Variants in ULK4 observed in about 807,000 individuals in gnomAD.
ULK4 encodes inactive serine/threonine-protein kinase ULK4.
ULK4 carries 133 observed loss-of-function variants against 160.6 expected under a neutral mutation model. The ratio of observed to expected loss-of-function variants is 0.83; its 90% CI spans 0.72 to 0.96. The LOEUF (loss-of-function observed/expected upper bound fraction) is 0.96, where lower values mean the gene tolerates loss of function less well. Among genes scored for constraint, ULK4 ranks in the 40% least tolerant of loss-of-function variants. The pLI is 0.00. For synonymous variants in ULK4, 534 were observed against 539.8 expected, an observed-to-expected ratio of 0.99 and a Z score of 0.15; for missense variants, 1,580 against 1,499.5, an observed-to-expected ratio of 1.05 and a Z score of -0.89.
chr3:41,938,329 A>G (rs1699845201), intron 2 of ULK4, 132 bp from the exon 3 acceptor site: 2 of 650,526 alleles, frequency 3.1e-6, no homozygotes, highest in Non-Finnish European at 5.0e-6. Context: ...TTCTATACAG[A>G]CATTAGAAAT....
intron 2 of ULK4, 120 bp downstream of exon 2, chr3:41,954,502 T>C (rs913453715): frequency 1.7e-6 from 2 of 1,154,892 alleles, no homozygotes; most frequent in Non-Finnish European, 2.5e-6. Flanking sequence ...AGGTCATCCA[T>C]TCCAGACTGA....
At chr3:41,634,620 G>A (rs1484654318) in intron 30 of ULK4, among the ~76,000 whole-genome samples, 1 of 152,180 alleles carries the variant, frequency 6.6e-6, no homozygotes, top group Non-Finnish European at 1.5e-5. Context: ...CAAGAAAGCG[G>A]GAGCCCATTC....
intron 1 of ULK4, among the ~76,000 whole-genome samples, chr3:41,959,575 C>A (rs922400862): frequency 5.3e-5 from 8 of 152,198 alleles, no homozygotes; most frequent in African/African-American, 1.9e-4. Flanking sequence ...TGGTTAGTAT[C>A]TTTCTTTTAA....
chr3:41,897,039 T>C (rs1698184325), intron 14 of ULK4, 36 bp from the exon 15 acceptor site: 2 of 1,540,292 alleles, frequency 1.3e-6, no homozygotes, highest in African/African-American at 1.4e-5. Flanking sequence ...GTACATATGA[T>C]GAGAAAAAGA....
chr3:41,251,137 T>A (rs953674358), intron 35 of ULK4: 22 of 152,128 alleles, frequency 1.4e-4, no homozygotes, highest in African/African-American at 5.3e-4. Context: ...GGTTAGAAGG[T>A]GCAAATAGAA....
At chr3:41,386,533 A>T (rs1030259593) in intron 35 of ULK4, among the ~76,000 whole-genome samples, 3 of 152,142 alleles carry the variant, frequency 2.0e-5, no homozygotes, top group Admixed American at 1.3e-4. Flanking sequence ...CAGAGGGAGA[A>T]TTGGAGCCAC....
At chr3:41,737,690 G>C (rs890959523) in intron 22 of ULK4, among the ~76,000 whole-genome samples, 1 of 151,824 alleles carries the variant, frequency 6.6e-6, no homozygotes, top group Non-Finnish European at 1.5e-5. Context: ...TTTAAATATG[G>C]AATGAATTTT....
intron 31 of ULK4, among the ~76,000 whole-genome samples, chr3:41,597,494 G>C (rs981678938): frequency 2.0e-5 from 3 of 152,176 alleles, no homozygotes; most frequent in Non-Finnish European, 2.9e-5. Flanking sequence ...CCCAGGTTGG[G>C]TCTTTTAGGC....
At chr3:41,572,765 CAA>C (rs34025379) in intron 31 of ULK4, among the ~76,000 whole-genome samples, 3,169 of 81,306 alleles carry the variant, frequency 0.039, 103 homozygotes, top group African/African-American at 0.099. Context: ...GATTCCATCT[CAA>C]AAAAAAAAAA....
chr3:41,689,332 A>G (rs954092031), intron 27 of ULK4, among the ~76,000 whole-genome samples: 6 of 152,232 alleles, frequency 3.9e-5, no homozygotes, highest in Non-Finnish European at 8.8e-5. Flanking sequence ...AGACTCACAA[A>G]TTCTTGGTAT....
At chr3:41,589,039 C>G (rs1296455095) in intron 31 of ULK4, among the ~76,000 whole-genome samples, 3 of 152,094 alleles carry the variant, frequency 2.0e-5, no homozygotes, top group African/African-American at 7.2e-5. Flanking sequence ...TATTCTTGGA[C>G]TTCACCTTCC....
At chr3:41,249,411 G>A (rs1241429923) in intron 36 of ULK4, 78 bp downstream of exon 36, 2 of 1,320,364 alleles carry the variant, frequency 1.5e-6, no homozygotes, top group Non-Finnish European at 2.1e-6. Context: ...GGAGATGAGT[G>A]GGAGGAGTGG....
intron 25 of ULK4, among the ~76,000 whole-genome samples, chr3:41,708,218 TGAA>T (rs2036973005): frequency 6.6e-6 from 1 of 152,016 alleles, no homozygotes; most frequent in Non-Finnish European, 1.5e-5. Context: ...ATCAGTATGT[TGAA>T]GAAATATCTG....
intron 35 of ULK4, among the ~76,000 whole-genome samples, chr3:41,309,581 T>A (rs2125718685): frequency 6.6e-6 from 1 of 152,240 alleles, no homozygotes; most frequent in South Asian, 2.1e-4. Context: ...CTTTTTGACA[T>A]TTACAACAGA....
At chr3:41,422,307 A>G (rs1255530642) in intron 34 of ULK4, among the ~76,000 whole-genome samples, 2 of 152,108 alleles carry the variant, frequency 1.3e-5, no homozygotes, top group African/African-American at 2.4e-5. Flanking sequence ...ACATCTTTGA[A>G]TTGCTACAGG....
At chr3:41,413,956 G>A (rs908592248) in intron 34 of ULK4, among the ~76,000 whole-genome samples, 2 of 152,224 alleles carry the variant, frequency 1.3e-5, no homozygotes, top group Non-Finnish European at 2.9e-5. Flanking sequence ...TGTAATCCCA[G>A]CACTTTGGGA....
chr3:41,678,872 T>C (rs1340890117), intron 29 of ULK4, among the ~76,000 whole-genome samples: 3 of 152,194 alleles, frequency 2.0e-5, no homozygotes, highest in African/African-American at 4.8e-5. Context: ...CCATGGACTC[T>C]AGAAACTTAA....
intron 35 of ULK4, among the ~76,000 whole-genome samples, chr3:41,358,173 C>A (rs545061770): frequency 6.6e-6 from 1 of 152,276 alleles, no homozygotes; most frequent in East Asian, 1.9e-4. Flanking sequence ...GAGTGGGCTC[C>A]GCAGAACAGA....
intron 32 of ULK4, among the ~76,000 whole-genome samples, chr3:41,463,969 G>A (rs1473425686): frequency 6.8e-6 from 1 of 146,786 alleles, no homozygotes; most frequent in Non-Finnish European, 1.5e-5. Context: ...TGATGAATGA[G>A]AACTTTGGAA....
Sources: allele counts gnomAD v4.1 joint callset (sites outside exome capture counted in the v4.1 genomes callset), GRCh38; gene constraint gnomAD v4.1.1; transcripts MANE v1.5; gene names NCBI Gene and HGNC (gene_info 2026-07-23, HGNC 2026-07-21).